CCSER1: variants seen among roughly 807,000 people sequenced by gnomAD.
The protein encoded by CCSER1 is coiled-coil serine rich protein 1.
In CCSER1, 41 loss-of-function variants were observed where a neutral mutation model predicts 82.0. That is an observed-to-expected ratio of 0.50 (90% CI 0.39 to 0.65). The LOEUF (loss-of-function observed/expected upper bound fraction) is 0.65. Ranked by LOEUF, CCSER1 falls within the 30% of genes least tolerant of loss-of-function variation. CCSER1 has a pLI of 0.00. For missense variants in CCSER1, 1,119 were observed against 1,064.2 expected (o/e 1.05, Z -0.72); for synonymous variants, 414 against 383.9 (o/e 1.08, Z -0.92).
At chr4:90,568,552 AC>A (rs1779690642) in intron 5 of CCSER1, among the ~76,000 whole-genome samples, 1 of 152,130 alleles carries the variant, frequency 6.6e-6, no homozygotes, top group East Asian at 1.9e-4. Flanking sequence ...GTGTGTCTCT[AC>A]AAGTAAAGTG....
intron 3 of CCSER1, among the ~76,000 whole-genome samples, chr4:90,381,424 A>G (rs1749189991): frequency 6.6e-6 from 1 of 152,180 alleles, no homozygotes; most frequent in African/African-American, 2.4e-5. Context: ...GCTTTGTAAA[A>G]ATATAAAGGC....
intron 1 of CCSER1, among the ~76,000 whole-genome samples, chr4:90,172,256 G>A (rs1175558029): frequency 2.0e-5 from 3 of 151,876 alleles, no homozygotes; most frequent in Non-Finnish European, 2.9e-5. Context: ...GCTTCATAGA[G>A]GAGTTAAGAA....
intron 9 of CCSER1, among the ~76,000 whole-genome samples, chr4:90,933,239 G>T (rs1730464600): frequency 6.6e-6 from 1 of 150,954 alleles, no homozygotes; most frequent in South Asian, 2.1e-4. Flanking sequence ...CGAGGCTGGA[G>T]TGCGGAGGCG....
Position 91,600,011 on chromosome 4 carries a change from C to T in CCSER1, c.*954C>T, listed in dbSNP as rs1764750266. On this transcript the variant is annotated 3_prime_UTR_variant, in exon 11 of 11. Transcript: ENST00000509176. ...CCAATTTTGGTTTATATACATCAAC[C>T]CATATCTATAATTTTATGAACTGAA... 6.6e-6 allele frequency: 1 copy of T among 151,788 alleles called. No individual in the cohort carries two copies. Among genetic ancestry groups the T allele is most frequent in the Non-Finnish European group, 1.5e-5 (1 of 67,920 alleles). 9.4% of individuals were successfully genotyped at this position (151,788 alleles called of 1,614,324 possible).
At chr4:90,974,197 G>A (rs1026509075) in intron 9 of CCSER1, among the ~76,000 whole-genome samples, 14 of 151,638 alleles carry the variant, frequency 9.2e-5, no homozygotes, top group Admixed American at 8.6e-4. Flanking sequence ...TTTGCTAACA[G>A]TAGATTTTAA....
chr4:90,538,009 A>T (rs866253596), intron 5 of CCSER1, among the ~76,000 whole-genome samples: 1 of 152,082 alleles, frequency 6.6e-6, no homozygotes, highest in African/African-American at 2.4e-5. Flanking sequence ...CTTGAAAATT[A>T]TGTTTGTCTC....
At chr4:91,406,016 A>G (rs1752678140) in intron 10 of CCSER1, among the ~76,000 whole-genome samples, 1 of 152,130 alleles carries the variant, frequency 6.6e-6, no homozygotes, top group African/African-American at 2.4e-5. Context: ...GCCTCCCGAT[A>G]TATGTATATT....
At position 90,308,220 on chromosome 4, in the gene CCSER1, T is replaced by C. The variant is rs77819229; in HGVS notation, c.-41-24T>C. On this transcript the variant is annotated intron_variant, in intron 1 of 10. Transcript: ENST00000509176. Reference sequence around the variant, plus strand: ...TTGTAGTTGAATTCTATTGACTTGTTGTTTTTGTTTTAACCTTTCTCAGGC... The same window carrying C: ...TTGTAGTTGAATTCTATTGACTTGTCGTTTTTGTTTTAACCTTTCTCAGGC... 1.2e-4 allele frequency: 166 copies of C among 1,436,786 alleles called. 2 individuals are homozygous for C. The East Asian group carries it at 3.6e-3, about 31-fold the overall frequency. The allele number at this position is 1,436,786 out of a possible 1,614,324, so 89.0% of individuals were successfully genotyped here. A position where few individuals can be genotyped will look rare whatever the true frequency, so the allele number is the denominator to read the frequency against.
intron 10 of CCSER1, among the ~76,000 whole-genome samples, chr4:91,324,807 G>T (rs1164725127): frequency 6.6e-6 from 1 of 151,984 alleles, no homozygotes; most frequent in Non-Finnish European, 1.5e-5. Flanking sequence ...GTAGTATTGA[G>T]CATCTTTGGG....
intron 9 of CCSER1, among the ~76,000 whole-genome samples, chr4:90,949,614 T>C (rs1435968000): frequency 6.6e-6 from 1 of 152,116 alleles, no homozygotes; most frequent in African/African-American, 2.4e-5. Context: ...GTAAAATAAG[T>C]GCCATGTCCT....
intron 10 of CCSER1, among the ~76,000 whole-genome samples, chr4:91,290,244 G>A (rs904849010): frequency 6.6e-6 from 1 of 151,980 alleles, no homozygotes; most frequent in Non-Finnish European, 1.5e-5. Flanking sequence ...AACACTGGGA[G>A]TGGAATGAAT....
Position 90,393,749 on chromosome 4 carries a change from C to A in CCSER1, c.1510-6287C>A, listed in dbSNP as rs1751533373. On this transcript the variant is annotated intron_variant, in intron 3 of 10. Coordinates refer to ENST00000509176, the MANE Select transcript of CCSER1 (RefSeq NM_001145065.2). ...AACTACTGGGTTGTTTGGGAACCGA[C>A]TTTATACAATAGTTATATCTTCCTT... Among the ~76,000 whole-genome samples the A allele has an allele frequency of 2.1e-5, 3 of 144,346 alleles. No individual in the cohort carries two copies. The Admixed American group carries it at 2.1e-4, about 10-fold the overall frequency. The allele number at this position is 144,346 out of a possible 152,430, so 94.7% of individuals were successfully genotyped here.
intron 10 of CCSER1, among the ~76,000 whole-genome samples, chr4:91,143,076 G>A (rs1273069471): frequency 6.6e-6 from 1 of 152,052 alleles, no homozygotes; most frequent in African/African-American, 2.4e-5. Flanking sequence ...GGGCAGTAGG[G>A]CCATTTTAAG....
intron 10 of CCSER1, among the ~76,000 whole-genome samples, chr4:91,148,925 A>T (rs1359230541): frequency 2.0e-5 from 3 of 152,194 alleles, no homozygotes; most frequent in Non-Finnish European, 4.4e-5. Context: ...TGCTATTGTG[A>T]ATAGTGCCAC....
chr4:91,275,728 T>G (rs1742377284), intron 10 of CCSER1, among the ~76,000 whole-genome samples: 1 of 152,164 alleles, frequency 6.6e-6, no homozygotes, highest in Admixed American at 6.5e-5. Context: ...CCATAAAACC[T>G]TTGCCCAGAG....
intron 6 of CCSER1, among the ~76,000 whole-genome samples, chr4:90,718,866 C>T (rs1391763559): frequency 6.6e-6 from 1 of 152,120 alleles, no homozygotes; most frequent in Non-Finnish European, 1.5e-5. Context: ...CTGAGTTTCT[C>T]CTACTGTTAT....
At chr4:90,370,408 G>C (rs187587387) in intron 3 of CCSER1, 1 of 152,046 alleles carries the variant, frequency 6.6e-6, no homozygotes, top group Non-Finnish European at 1.5e-5. Flanking sequence ...AAGTATAAAT[G>C]GTAGGTTGGA....
At chr4:91,073,827 A>C (rs1458653498) in intron 9 of CCSER1, among the ~76,000 whole-genome samples, 2 of 152,160 alleles carry the variant, frequency 1.3e-5, no homozygotes, top group African/African-American at 2.4e-5. Context: ...CCTGTCTTAA[A>C]ATTAAAACAT....
chr4:90,810,684 A>G (rs1426383040), intron 7 of CCSER1, among the ~76,000 whole-genome samples: 1 of 147,188 alleles, frequency 6.8e-6, no homozygotes, highest in South Asian at 2.1e-4. Context: ...ACAACAACCA[A>G]AACTAGTTCA....
Sources: allele counts gnomAD v4.1 joint callset (sites outside exome capture counted in the v4.1 genomes callset), GRCh38; gene constraint gnomAD v4.1.1; transcripts MANE v1.5; gene names NCBI Gene and HGNC (gene_info 2026-07-23, HGNC 2026-07-21).